PABIR3: variants seen among roughly 807,000 people sequenced by gnomAD.
The protein encoded by PABIR3 is PABIR family member 3.
PABIR3 carries 20 observed loss-of-function variants against 23.1 expected under a neutral mutation model. The ratio of observed to expected loss-of-function variants is 0.86; its 90% CI spans 0.61 to 1.26. The LOEUF (loss-of-function observed/expected upper bound fraction) is 1.26. Among genes scored for constraint, PABIR3 ranks in the 50% most tolerant of loss-of-function variants. The pLI, the probability that PABIR3 is intolerant of heterozygous loss-of-function variation, is 0.00. For synonymous variants in PABIR3, 69 were observed against 68.5 expected (o/e 1.01, Z -0.04); for missense variants, 189 against 195.4 (o/e 0.97, Z 0.20).
At chrX:134,860,693 G>C in the PABIR3 span, among the ~76,000 whole-genome samples, 2 of 111,727 alleles carry the variant, frequency 1.8e-5, no homozygotes, top group African/African-American at 6.5e-5. Flanking sequence ...AAAACTTACT[G>C]TCTTCAACAA....
intron 3 of PABIR3, chrX:134,821,569 A>C (rs1189572524): frequency 8.7e-7 from 1 of 1,147,425 alleles, no homozygotes; most frequent in Non-Finnish European, 1.2e-6. Context: ...TCATCTTCCT[A>C]AGAGAAAAGG....
chrX:134,862,154 T>G, the PABIR3 span, among the ~76,000 whole-genome samples: 1 of 94,884 alleles, frequency 1.1e-5, no homozygotes, highest in Admixed American at 1.1e-4. Context: ...TTTTTTTTTT[T>G]TTTTTTTTTT....
chrX:134,796,700 G>A (rs989397097), upstream of PABIR3: 2 of 112,441 alleles, frequency 1.8e-5, no homozygotes, highest in African/African-American at 6.7e-5. Flanking sequence ...GGGAAAGAAG[G>A]AGGTGGTCTG....
upstream of PABIR3, chrX:134,807,052 A>C: frequency 2.4e-6 from 1 of 413,263 alleles, no homozygotes; most frequent in Non-Finnish European, 3.1e-6. Flanking sequence ...GGAAAGAGGA[A>C]GGAGGGCAGG....
chrX:134,849,209 TG>T lies in PABIR3; in HGVS notation c.572del (p.Gly191AspfsTer3). 1.1e-6 allele frequency: 1 copy of T among 950,703 alleles called. No individual in the cohort carries two copies. The allele number at this position is 950,703 out of a possible 1,213,427, so 78.3% of individuals were successfully genotyped here. A position where few individuals can be genotyped will look rare whatever the true frequency, so the allele number is the denominator to read the frequency against. On this transcript the variant is annotated frameshift_variant, in exon 9 of 11. Coordinates refer to ENST00000645433, the MANE Select transcript of PABIR3 (RefSeq NM_001388447.1). LOFTEE classifies it high-confidence loss of function. ...CCAACATTATTAGACCAAGTATCCT[TG>T]GACCATTAAAAAGAAAAGGTACTTT... ...PTNIIRPSIL[G>X]PLKRKGEMAF...
rs998464717 is a variant in PABIR3, at chrX:134,807,795, A to G, written c.110+87A>G. On this transcript the variant is annotated intron_variant, in intron 2 of 10. Transcript: ENST00000645433. The stretch of plus-strand genomic sequence containing the variant: ...TTTCCTATAGAATTCCCGTCCCTTT[A>G]TTTGTTGAGGTTCTGCAGGTAACTC... 4.2e-6 allele frequency: 4 copies of G among 958,096 alleles called. No homozygotes were observed. In the African/African-American group the frequency reaches 7.9e-5, roughly 19 times the overall value. 79.0% of individuals were successfully genotyped at this position (958,096 alleles called of 1,213,427 possible).
At chrX:134,852,218 T>C (rs1474275261) in intron 9 of PABIR3, among the ~76,000 whole-genome samples, 1 of 112,275 alleles carries the variant, frequency 8.9e-6, no homozygotes, top group Non-Finnish European at 1.9e-5. Context: ...CTCACGCCTG[T>C]AATCCCAGCA....
At chrX:134,822,040 T>C in intron 3 of PABIR3, 1 of 756,422 alleles carries the variant, frequency 1.3e-6, no homozygotes, top group Non-Finnish European at 1.6e-6. Flanking sequence ...AGATAATTCT[T>C]AGTAATTAGC....
At chrX:134,806,124 G>A (rs2080219570), upstream of PABIR3, among the ~76,000 whole-genome samples, 1 of 111,686 alleles carries the variant, frequency 9.0e-6, no homozygotes, top group South Asian at 3.7e-4. Context: ...AAAACGATAT[G>A]AGCCATGGCA....
At chrX:134,854,018 G>A (rs1221461317) in intron 10 of PABIR3, 73 bp from the exon 11 acceptor site, 69 of 1,099,715 alleles carry the variant, frequency 6.3e-5, no homozygotes, top group Non-Finnish European at 7.9e-5. Context: ...TTGCATTCAT[G>A]TGTAGACAAA....
In PABIR3 at chrX:134,829,268, C is replaced by T; in HGVS notation, c.232C>T (p.His78Tyr). ...PPFHGSISRL[H>Y]QIKQEEAMDL... ...CTTTCATGGTTCCATCAGCCGCCTT[C>T]ATCAAATCAAACAGGTAAGAAGACT... The change falls in exon 4 of 11, where the codon CAT (histidine) becomes TAT (tyrosine). Residue 78 changes from histidine to tyrosine, a missense_variant. By Grantham distance (83) the His-to-Tyr change is moderately conservative. Transcript: ENST00000645433. 8.3e-7 allele frequency: 1 copy of T among 1,207,278 alleles called. No homozygotes were observed. Among genetic ancestry groups the T allele is most frequent in the Admixed American group, 2.2e-5 (1 of 45,872 alleles).
chrX:134,863,694 T>C, the PABIR3 span, among the ~76,000 whole-genome samples: 1 of 111,575 alleles, frequency 9.0e-6, no homozygotes, highest in African/African-American at 3.3e-5. Context: ...TAGAATATCA[T>C]TTCTTGTCCT....
In PABIR3 at chrX:134,807,255, T is replaced by C; in HGVS notation, c.-146T>C. On this transcript the variant is annotated 5_prime_UTR_variant, in exon 1 of 11. Coordinates refer to ENST00000645433, the MANE Select transcript of PABIR3 (RefSeq NM_001388447.1). ...AGTTTTTGTTTTGGCCGGAAAGGCT[T>C]ACCATGAGTTGCCAGGGCTGAGAGA... 1.1e-6 allele frequency: 1 copy of C among 894,736 alleles called. No homozygotes were observed. Among genetic ancestry groups the C allele is most frequent in the Non-Finnish European group, 1.4e-6 (1 of 728,450 alleles). The allele number at this position is 894,736 out of a possible 1,213,427, so 73.7% of individuals were successfully genotyped here. A position where few individuals can be genotyped will look rare whatever the true frequency, so the allele number is the denominator to read the frequency against.
At chrX:134,862,122 G>C in the PABIR3 span, among the ~76,000 whole-genome samples, 3 of 56,645 alleles carry the variant, frequency 5.3e-5, no homozygotes, top group Non-Finnish European at 3.6e-5. Flanking sequence ...TCTCGTTTTT[G>C]TTTTTTTGTT....
At chrX:134,802,227 G>C (rs981054959), upstream of PABIR3, among the ~76,000 whole-genome samples, 2 of 111,438 alleles carry the variant, frequency 1.8e-5, no homozygotes, top group African/African-American at 6.5e-5. Flanking sequence ...GGGATTACAG[G>C]CATGCACCAC....
intron 3 of PABIR3, among the ~76,000 whole-genome samples, chrX:134,816,869 T>C (rs1408787264): frequency 8.9e-6 from 1 of 112,133 alleles, no homozygotes; most frequent in Non-Finnish European, 1.9e-5. Context: ...TATAGCTTGA[T>C]ACCAATTTAA....
rs2081648324 is a variant in PABIR3, at chrX:134,829,229, T to C, written c.193T>C (p.Leu65=). ...ACTTCTATATTTTAAATTTCAGTTGTTGCCACCTCCTCCCTTTCATGGTTC... is the reference window on the plus strand; with the variant it reads ...ACTTCTATATTTTAAATTTCAGTTGCTGCCACCTCCTCCCTTTCATGGTTC... ...TTFRNRRSLL[L]PPPPFHGSIS... is the part of the protein sequence containing the mutation. The change falls in exon 4 of 11, where the codon TTG becomes CTG. Residue 65 remains leucine (L), a synonymous_variant. Transcript: ENST00000645433. 4.1e-6 allele frequency: 5 copies of C among 1,207,394 alleles called. No individual in the cohort carries two copies. The African/African-American group carries it at 5.2e-5, about 13-fold the overall frequency.
At chrX:134,834,236 T>C (rs2081902192) in intron 4 of PABIR3, 1 of 112,631 alleles carries the variant, frequency 8.9e-6, no homozygotes, top group Non-Finnish European at 1.9e-5. Context: ...GGTATGTCAC[T>C]GTGGTTTTGA....
Position 134,807,634 on chromosome X carries a change from G to A in PABIR3, c.36G>A (p.Ser12=), listed in dbSNP as rs770183324. 3 of 1,210,204 alleles carry A rather than the reference G, an allele frequency of 2.5e-6. No homozygotes were observed. In the South Asian group the frequency reaches 5.3e-5, roughly 21 times the overall value. Reference sequence around the variant, plus strand: ...AGAAAATGAAACTAGGTTTCAAGTCGCTGCCGAGTTCCACTACCGCAGACG... The same window carrying A: ...AGAAAATGAAACTAGGTTTCAAGTCACTGCCGAGTTCCACTACCGCAGACG... ...AQEKMKLGFK[S]LPSSTTADGN... The change falls in exon 2 of 11, where the codon TCG becomes TCA. Residue 12 remains serine (S), a synonymous_variant. Coordinates refer to ENST00000645433, the MANE Select transcript of PABIR3 (RefSeq NM_001388447.1).
Sources: gnomAD v4.1 joint callset for allele counts (sites outside exome capture counted in the v4.1 genomes callset) on GRCh38, gnomAD v4.1.1 for gene constraint, MANE v1.5 for transcripts, NCBI Gene and HGNC (gene_info 2026-07-23, HGNC 2026-07-21) for gene names.